Variants in SVOPL observed in about 807,000 individuals in gnomAD.
The protein encoded by SVOPL is putative transporter SVOPL.
In SVOPL, 60 loss-of-function variants were observed where a neutral mutation model predicts 61.0. That is an observed-to-expected ratio of 0.98 (90% confidence interval 0.80 to 1.22). The LOEUF is 1.22. Among genes scored for constraint, SVOPL ranks in the 50% most tolerant of loss-of-function variants. SVOPL has a pLI of 0.00. For synonymous variants in SVOPL, 279 were observed against 250.0 expected (o/e 1.12, Z -1.09); for missense variants, 662 against 643.9 (o/e 1.03, Z -0.30).
intron 9 of SVOPL, among the ~76,000 whole-genome samples, chr7:138,631,754 A>G (rs1325847523): frequency 6.6e-6 from 1 of 151,900 alleles, no homozygotes; most frequent in Non-Finnish European, 1.5e-5. Flanking sequence ...ATTTTAGTAG[A>G]GACGGGGTTT....
chr7:138,689,231 CA>C, intron 1 of SVOPL: 2 of 1,500,396 alleles, frequency 1.3e-6, no homozygotes, highest in Non-Finnish European at 9.2e-7. Flanking sequence ...GTTGGTGGCC[CA>C]AAAAGAGTGC....
chr7:138,612,659 G>A (rs1799106904), intron 14 of SVOPL, among the ~76,000 whole-genome samples: 1 of 151,612 alleles, frequency 6.6e-6, no homozygotes, highest in South Asian at 2.1e-4. Context: ...GGGATTACAG[G>A]TGCCTGCCAC....
At chr7:138,682,505 T>C (rs1802721006) in intron 1 of SVOPL, among the ~76,000 whole-genome samples, 1 of 152,098 alleles carries the variant, frequency 6.6e-6, no homozygotes, top group Non-Finnish European at 1.5e-5. Context: ...AAATGCAGAA[T>C]GCTGGAAGCT....
intron 1 of SVOPL, among the ~76,000 whole-genome samples, chr7:138,698,207 C>T (rs1418856554): frequency 2.5e-4 from 38 of 151,332 alleles, no homozygotes; most frequent in Admixed American, 2.2e-3. Flanking sequence ...ATGGTGAAAT[C>T]GAGATTAAAC....
chr7:138,631,360 T>C (rs1451617037), intron 9 of SVOPL, among the ~76,000 whole-genome samples: 2 of 152,170 alleles, frequency 1.3e-5, no homozygotes, highest in Non-Finnish European at 2.9e-5. Context: ...ACACCTTAAG[T>C]TATTCTAAAA....
chr7:138,696,829 A>T (rs73164697), intron 1 of SVOPL, among the ~76,000 whole-genome samples: 4,630 of 152,270 alleles, frequency 0.03, 85 homozygotes, highest in Middle Eastern at 0.078. Flanking sequence ...TCAGTCTCCC[A>T]GAGTGCTGGG....
intron 4 of SVOPL, chr7:138,664,290 C>T (rs1171672390): frequency 1.1e-5 from 11 of 963,350 alleles, no homozygotes; most frequent in Non-Finnish European, 1.4e-5. Context: ...CCATCGGGCA[C>T]GCGCCTAACC....
intron 1 of SVOPL, chr7:138,688,865 A>G (rs1344284499): frequency 2.6e-6 from 1 of 382,340 alleles, no homozygotes; most frequent in East Asian, 6.4e-5. Flanking sequence ...GGAAGACCTA[A>G]CCTCTAGTAC....
chr7:138,634,717 A>G (rs1800384642), intron 9 of SVOPL, among the ~76,000 whole-genome samples: 1 of 151,502 alleles, frequency 6.6e-6, no homozygotes, highest in African/African-American at 2.4e-5. Flanking sequence ...AATTCCAACT[A>G]CTTTGGAGGC....
intron 13 of SVOPL, among the ~76,000 whole-genome samples, chr7:138,623,527 G>T (rs557881825): frequency 3.1e-4 from 47 of 152,184 alleles, no homozygotes; most frequent in Non-Finnish European, 5.0e-4. Context: ...GTGAACCCGG[G>T]AGGTGGAGCT....
At chr7:138,688,762 C>A (rs575485826) in intron 1 of SVOPL, among the ~76,000 whole-genome samples, 2 of 152,096 alleles carry the variant, frequency 1.3e-5, no homozygotes, top group African/African-American at 4.8e-5. Context: ...CATAGAGTTA[C>A]CGTATGTGCT....
intron 9 of SVOPL, among the ~76,000 whole-genome samples, chr7:138,642,277 G>A (rs1673172): frequency 0.25 from 30,093 of 120,440 alleles, 4,636 homozygotes; most frequent in African/African-American, 0.49. Context: ...AAAATAAAAC[G>A]GAAATTAGCC....
intron 14 of SVOPL, chr7:138,597,296 T>A: frequency 8.6e-7 from 1 of 1,169,360 alleles, no homozygotes; most frequent in Non-Finnish European, 1.1e-6. Flanking sequence ...ACCTAGAAAC[T>A]ATCTGGCTGA....
chr7:138,637,451 GATAGAT>G (rs1393850063), intron 9 of SVOPL, among the ~76,000 whole-genome samples: 6 of 36,024 alleles, frequency 1.7e-4, no homozygotes, highest in Admixed American at 3.3e-4. Context: ...TAGATAGATA[GATAGAT>G]ATATATATAT....
chr7:138,626,817 G>A lies in SVOPL; in HGVS notation c.1181+533C>T, dbSNP rs138444705. Among the ~76,000 whole-genome samples, 11 of 150,416 alleles carry A rather than the reference G, an allele frequency of 7.3e-5. No homozygotes were observed. In the East Asian group the frequency reaches 1.2e-3, roughly 16 times the overall value. On this transcript the variant is annotated intron_variant, in intron 12 of 15. Coordinates refer to ENST00000674285, the MANE Select transcript of SVOPL (RefSeq NM_001139456.2). The stretch of plus-strand genomic sequence containing the variant: ...GCTGAGATCGCACCACTGCATTCCC[G>A]CCTGGGTGACAAGGTGAGAGAACCT...
chr7:138,663,883 G>C (rs1322466582), intron 4 of SVOPL, among the ~76,000 whole-genome samples: 1 of 152,126 alleles, frequency 6.6e-6, no homozygotes, highest in African/African-American at 2.4e-5. Flanking sequence ...AAACAGCTCT[G>C]TTTCCCTTTC....
intron 7 of SVOPL, among the ~76,000 whole-genome samples, chr7:138,652,332 G>A (rs1182952144): frequency 1.3e-5 from 2 of 152,140 alleles, no homozygotes; most frequent in East Asian, 1.9e-4. Flanking sequence ...GATTCCAGGT[G>A]TGAGCCACTG....
At chr7:138,662,096 T>A (rs1042397519) in intron 5 of SVOPL, 1 of 985,358 alleles carries the variant, frequency 1.0e-6, no homozygotes, top group African/African-American at 1.7e-5. Context: ...GGCTTCTTTA[T>A]AAACTCTCTC....
chr7:138,694,525 C>T (rs998735101), intron 1 of SVOPL, among the ~76,000 whole-genome samples: 2 of 152,094 alleles, frequency 1.3e-5, no homozygotes, highest in Non-Finnish European at 2.9e-5. Flanking sequence ...GGATTACAGG[C>T]ATGAGCCACC....
Sources: gnomAD v4.1 joint callset for allele counts (sites outside exome capture counted in the v4.1 genomes callset) on GRCh38, gnomAD v4.1.1 for gene constraint, MANE v1.5 for transcripts, NCBI Gene and HGNC (gene_info 2026-07-23, HGNC 2026-07-21) for gene names.